HDLBP: variants seen among roughly 807,000 people sequenced by gnomAD.
The protein encoded by HDLBP is vigilin.
In HDLBP, 30 loss-of-function variants were observed where a neutral mutation model predicts 137.3. That is an observed-to-expected ratio of 0.22 (90% CI 0.16 to 0.30). The LOEUF (loss-of-function observed/expected upper bound fraction) is 0.30, where lower values mean the gene tolerates loss of function less well. Ranked by LOEUF, HDLBP falls within the 10% of genes least tolerant of loss-of-function variation. The probability of loss-of-function intolerance (pLI) is 1.00; values close to 1 mark genes in which losing one functional copy is unlikely to be tolerated. For synonymous variants in HDLBP, 606 were observed against 596.0 expected (o/e 1.02, Z -0.24); for missense variants, 1,119 against 1,667.3 (o/e 0.67, Z 5.73).
intron 24 of HDLBP, among the ~76,000 whole-genome samples, chr2:241,232,352 T>G (rs1411369099): frequency 6.6e-6 from 1 of 151,866 alleles, no homozygotes; most frequent in African/African-American, 2.4e-5. Context: ...CTCAGCTCAC[T>G]GCAGCCTCCG....
intron 16 of HDLBP, among the ~76,000 whole-genome samples, chr2:241,243,069 C>T (rs2071400232): frequency 6.6e-6 from 1 of 152,152 alleles, no homozygotes; most frequent in African/African-American, 2.4e-5. Context: ...ATAAACTTTT[C>T]CTATTAAAAC....
At position 241,256,415 on chromosome 2, in the gene HDLBP, TG is replaced by T. The variant is rs1246309493; in HGVS notation, c.658-17del. On this transcript the variant is annotated splice_polypyrimidine_tract_variant and intron_variant, in intron 6 of 27. Transcript: ENST00000310931. ...CACGTTTGTCCTGGAAAGGAAGGGATGATCTGATGAGAACAGGCCTTTGAAA... is the reference window on the plus strand; with the variant it reads ...CACGTTTGTCCTGGAAAGGAAGGGATATCTGATGAGAACAGGCCTTTGAAA... The T allele has an allele frequency of 2.5e-6, 4 of 1,592,140 alleles. No homozygotes were observed. The highest frequency in any genetic ancestry group is 3.4e-6 in the Non-Finnish European group (4 of 1,167,500).
At position 241,229,590 on chromosome 2, in the gene HDLBP, C is replaced by G. The variant is rs775321848; in HGVS notation, c.*11G>C. ...TCAGCAGGCTGGAGAGGGTTCTGTTCTTTTTGATCATTATCGTTTGGGGCC... is the reference window on the plus strand; with the variant it reads ...TCAGCAGGCTGGAGAGGGTTCTGTTGTTTTTGATCATTATCGTTTGGGGCC... On this transcript the variant is annotated 3_prime_UTR_variant, in exon 28 of 28. Transcript: ENST00000310931. 3.4e-5 allele frequency: 54 copies of G among 1,607,758 alleles called. No homozygotes were observed. The highest frequency in any genetic ancestry group is 4.4e-5 in the Non-Finnish European group (52 of 1,174,686).
Position 241,230,180 on chromosome 2 carries a change from G to A in HDLBP, c.3564C>T (p.Asp1188=), listed in dbSNP as rs1394374711. 1.2e-6 allele frequency: 2 copies of A among 1,613,546 alleles called. No homozygotes were observed. Among genetic ancestry groups the A allele is most frequent in the African/African-American group, 1.3e-5 (1 of 74,926 alleles). Residue 1188 remains aspartate (D), a synonymous_variant, in exon 26 of 28, where the codon GAC becomes GAT. Coordinates refer to ENST00000310931, the MANE Select transcript of HDLBP (RefSeq NM_005336.6). The surrounding 1 kb of genome is among the most constrained non-coding windows in gnomAD (Gnocchi z 5.0). ...GLPENVEEAI[D]HILNLEEEYL... The stretch of plus-strand genomic sequence containing the variant: ...ATTCCTCCTCCAGATTGAGGATGTG[G>A]TCGATGGCTTCCTCCACATTCTCTG...
chr2:241,244,856 CAT>C (rs1486249219), intron 16 of HDLBP, among the ~76,000 whole-genome samples: 1 of 152,044 alleles, frequency 6.6e-6, no homozygotes, highest in Non-Finnish European at 1.5e-5. Context: ...GAAAGCCAAT[CAT>C]ATAAAATCAT....
rs1173234071 is a variant in HDLBP at position 241,299,664 on chromosome 2, C to G, written c.-103+15906G>C. 2.0e-5 allele frequency among the ~76,000 whole-genome samples: 3 copies of G among 152,220 alleles called. No individual in the cohort carries two copies. In the East Asian group the frequency reaches 5.8e-4, roughly 29 times the overall value. The stretch of plus-strand genomic sequence containing the variant: ...GGCGCGGTGGCTCACGCCTGTAATC[C>G]CAGCACTCTGGGAGGCCTAGGCAGG... On this transcript the variant is annotated intron_variant, in intron 1 of 27. Coordinates refer to ENST00000310931, the MANE Select transcript of HDLBP (RefSeq NM_005336.6).
chr2:241,229,819 A>C lies in HDLBP; in HGVS notation c.3720+14T>G. On this transcript the variant is annotated intron_variant, in intron 27 of 27. Coordinates refer to ENST00000310931, the MANE Select transcript of HDLBP (RefSeq NM_005336.6). ...CCTCCCTGGGACCCAGGAGGGCAGA[A>C]GCCCGCATCTGACCTTCTCACTGCT... The C allele has an allele frequency of 3.3e-6, 5 of 1,507,462 alleles. No individual in the cohort carries two copies. Among genetic ancestry groups the C allele is most frequent in the Non-Finnish European group, 4.5e-6 (5 of 1,114,470 alleles). The allele number at this position is 1,507,462 out of a possible 1,614,324, so 93.4% of individuals were successfully genotyped here. A position where few individuals can be genotyped will look rare whatever the true frequency, so the allele number is the denominator to read the frequency against.
At chr2:241,277,511 T>G (rs954814388) in intron 1 of HDLBP, among the ~76,000 whole-genome samples, 3 of 152,292 alleles carry the variant, frequency 2.0e-5, no homozygotes, top group Non-Finnish European at 2.9e-5. Flanking sequence ...AAATGGAGAC[T>G]TTGAAAAATC....
chr2:241,285,462 C>T (rs1244577375), intron 1 of HDLBP, among the ~76,000 whole-genome samples: 1 of 152,148 alleles, frequency 6.6e-6, no homozygotes, highest in African/African-American at 2.4e-5. Context: ...CATAAACGAC[C>T]TGATGAATGA....
intron 21 of HDLBP, 197 bp downstream of exon 21, chr2:241,236,418 G>C (rs2070448904): frequency 1.6e-6 from 1 of 609,158 alleles, no homozygotes; most frequent in Non-Finnish European, 2.9e-6. Flanking sequence ...CCCGAGCCTT[G>C]GTGAAGGGAA....
chr2:241,311,165 A>C (rs1007290481), intron 1 of HDLBP, among the ~76,000 whole-genome samples: 5 of 152,206 alleles, frequency 3.3e-5, no homozygotes, highest in African/African-American at 1.2e-4. Context: ...AAAAACCTTC[A>C]GGTTTCATGG....
chr2:241,267,672 C>T (rs1282720454), intron 2 of HDLBP: 4 of 1,535,682 alleles, frequency 2.6e-6, no homozygotes, highest in Non-Finnish European at 3.5e-6. Context: ...TAAACCACCT[C>T]CAAATCTCGA....
At chr2:241,234,997 G>T in intron 23 of HDLBP, 124 bp downstream of exon 23, 1 of 1,176,478 alleles carries the variant, frequency 8.5e-7, no homozygotes, top group Non-Finnish European at 1.2e-6. Context: ...GGCACTGCCT[G>T]CATCTCACCT....
Position 241,233,235 on chromosome 2 carries a change from T to C in HDLBP, c.3288+585A>G, listed in dbSNP as rs1313942306. On this transcript the variant is annotated intron_variant, in intron 24 of 27. Coordinates refer to ENST00000310931, the MANE Select transcript of HDLBP (RefSeq NM_005336.6). This position sits in a 1 kb window ranked among gnomAD's most constrained non-coding sequence, Gnocchi z 4.3. Reference sequence around the variant, plus strand: ...TGGGAAGTGTGTGCAAGAGGGGGTGTTGGGTGAGGCTGCCCTGCATGCCAG... The same window carrying C: ...TGGGAAGTGTGTGCAAGAGGGGGTGCTGGGTGAGGCTGCCCTGCATGCCAG... 6.6e-6 allele frequency among the ~76,000 whole-genome samples: 1 copy of C among 151,942 alleles called. No homozygotes were observed. The highest frequency in any genetic ancestry group is 2.4e-5 in the African/African-American group (1 of 41,352).
chr2:241,235,314 T>C lies in HDLBP; in HGVS notation c.3010-59A>G, dbSNP rs554192698. The C allele has an allele frequency of 3.0e-5, 49 of 1,611,172 alleles. No homozygotes were observed. In the African/African-American group the frequency reaches 4.7e-4, roughly 15 times the overall value. On this transcript the variant is annotated intron_variant, in intron 22 of 27. Coordinates refer to ENST00000310931, the MANE Select transcript of HDLBP (RefSeq NM_005336.6). ...ACCCCAGAGAACAGGAAAGAGTCCA[T>C]TGGCCCTGGGACCCAGAAGTGGTGA...
intron 1 of HDLBP, among the ~76,000 whole-genome samples, chr2:241,300,825 A>G (rs1011302971): frequency 2.6e-5 from 4 of 152,182 alleles, no homozygotes; most frequent in Non-Finnish European, 4.4e-5. Context: ...CAAAGGGAAC[A>G]CAGAACTTGG....
intron 1 of HDLBP, among the ~76,000 whole-genome samples, chr2:241,276,633 C>A (rs1388589852): frequency 6.6e-6 from 1 of 152,038 alleles, no homozygotes; most frequent in African/African-American, 2.4e-5. Flanking sequence ...AAGAAGTACT[C>A]CGAGCAAATA....
chr2:241,248,392 C>T (rs769092466), intron 12 of HDLBP, 44 bp from the exon 13 acceptor site: 9 of 1,459,464 alleles, frequency 6.2e-6, no homozygotes, highest in Middle Eastern at 1.7e-4. Flanking sequence ...ACAAGCACGG[C>T]GAGCAACTCC....
chr2:241,266,747 G>T, intron 3 of HDLBP, 47 bp downstream of exon 3: 2 of 1,193,014 alleles, frequency 1.7e-6, no homozygotes, highest in Non-Finnish European at 2.5e-6. Flanking sequence ...TTTAGAGGGA[G>T]CAATGCCTTA....
Sources: gnomAD v4.1 joint callset for allele counts (sites outside exome capture counted in the v4.1 genomes callset) on GRCh38, gnomAD v4.1.1 for gene constraint, Gnocchi (gnomAD v3.1) non-coding constraint, MANE v1.5 for transcripts, NCBI Gene and HGNC (gene_info 2026-07-23, HGNC 2026-07-21) for gene names.